RAB3GAP1: variants seen among roughly 807,000 people sequenced by gnomAD.
The protein encoded by RAB3GAP1 is RAB3 GTPase activating protein catalytic subunit 1.
In RAB3GAP1, 86 loss-of-function variants were observed where a neutral mutation model predicts 130.7. The ratio of observed to expected loss-of-function variants is 0.66; its 90% CI spans 0.55 to 0.79. RAB3GAP1 has a LOEUF of 0.79. Among genes scored for constraint, RAB3GAP1 ranks in the 30% least tolerant of loss-of-function variants. The pLI is 0.00. For synonymous variants in RAB3GAP1, 367 were observed against 401.7 expected (o/e 0.91, Z 1.03); for missense variants, 1,029 against 1,169.4 (o/e 0.88, Z 1.75).
chr2:135,059,531 A>G (rs1167553219), intron 3 of RAB3GAP1, among the ~76,000 whole-genome samples: 1 of 152,170 alleles, frequency 6.6e-6, no homozygotes. Flanking sequence ...TATATGATAG[A>G]TGTACATATT....
At chr2:135,117,489 T>TCTTCTTCTTCTG (rs1558784174) in intron 7 of RAB3GAP1, among the ~76,000 whole-genome samples, 1 of 123,344 alleles carries the variant, frequency 8.1e-6, no homozygotes, top group African/African-American at 3.2e-5. Flanking sequence ...TTCTGCTTCT[T>TCTTCTTCTTCTG]CTTCTGCTTC....
At chr2:135,107,898 C>T (rs1196042653) in intron 5 of RAB3GAP1, among the ~76,000 whole-genome samples, 2 of 144,466 alleles carry the variant, frequency 1.4e-5, no homozygotes, top group African/African-American at 5.3e-5. Flanking sequence ...TCACTTGAAC[C>T]TGGGAGATGG....
rs150792577 is a variant in RAB3GAP1, at chr2:135,132,465, A to G, written c.1237-430A>G. ...CTTGAATATCATCTCTTAGTAGTCT[A>G]TATATGAAAGCCTGTGGATGATGTA... On this transcript the variant is annotated intron_variant, in intron 13 of 23. Transcript: ENST00000264158. Among the ~76,000 whole-genome samples the G allele has an allele frequency of 6.6e-3, 1,001 of 152,288 alleles. 4 individuals are homozygous for G. The highest frequency in any genetic ancestry group is 0.023 in the South Asian group (110 of 4,826).
rs375847117 is a variant in RAB3GAP1 at position 135,168,625 on chromosome 2, C to T, written c.2790C>T (p.Asp930=). The change falls in exon 24 of 24, where the codon GAC becomes GAT. Residue 930 remains aspartate (D), a synonymous_variant. Coordinates refer to ENST00000264158, the MANE Select transcript of RAB3GAP1 (RefSeq NM_012233.3). Reference sequence around the variant, plus strand: ...AAAGAAGGCAGAACTCCGTGTCAGACTTCCCACCCCCTGCTGGCCGGGAAT... The same window carrying T: ...AAAGAAGGCAGAACTCCGTGTCAGATTTCCCACCCCCTGCTGGCCGGGAAT... The part of the protein sequence containing the change: ...PEERRQNSVS[D]FPPPAGREFI... 2.0e-5 allele frequency: 33 copies of T among 1,614,088 alleles called. No individual in the cohort carries two copies. The Middle Eastern group carries it at 4.9e-4, about 24-fold the overall frequency.
intron 8 of RAB3GAP1, among the ~76,000 whole-genome samples, chr2:135,122,379 TC>T (rs60036465): frequency 0.15 from 22,730 of 152,116 alleles, 3,186 homozygotes; most frequent in African/African-American, 0.37. Context: ...TCCTTTTTTT[TC>T]CTTCCAAGGC....
intron 2 of RAB3GAP1, among the ~76,000 whole-genome samples, chr2:135,053,666 G>C (rs570648403): frequency 1.3e-5 from 2 of 152,280 alleles, no homozygotes; most frequent in African/African-American, 4.8e-5. Flanking sequence ...GTGTCAGTAA[G>C]ACATAACCAC....
rs1691691764 is a variant in RAB3GAP1, at chr2:135,136,878, A to T, written c.1923+946A>T. The T allele has an allele frequency of 1.0e-5, 3 of 296,626 alleles. No homozygotes were observed. In the Admixed American group the frequency reaches 1.3e-4, roughly 13 times the overall value. 18.4% of individuals were successfully genotyped at this position (296,626 alleles called of 1,614,324 possible). A position where few individuals can be genotyped will look rare whatever the true frequency, so the allele number is the denominator to read the frequency against. On this transcript the variant is annotated intron_variant, in intron 17 of 23. Transcript: ENST00000264158. ...GGTGGGAGTATTGCTTGAAGCCAGGAGTTCAAGACCAGCCTGTATAAGAAA... is the reference window on the plus strand; with the variant it reads ...GGTGGGAGTATTGCTTGAAGCCAGGTGTTCAAGACCAGCCTGTATAAGAAA...
At position 135,117,567 on chromosome 2, in the gene RAB3GAP1, T is replaced by G. The variant is rs1281281318; in HGVS notation, c.648+2186T>G. ...TGCTTCTTCTTCTTCTGCTTCTTCTTCTGCTTCTTCTTCTGCTTCTTCTTC... is the reference window on the plus strand; with the variant it reads ...TGCTTCTTCTTCTTCTGCTTCTTCTGCTGCTTCTTCTTCTGCTTCTTCTTC... On this transcript the variant is annotated intron_variant, in intron 7 of 23. Transcript: ENST00000264158. Among the ~76,000 whole-genome samples the G allele has an allele frequency of 2.2e-3, 299 of 138,162 alleles. 3 individuals are homozygous for G. The highest frequency in any genetic ancestry group is 8.1e-3 in the African/African-American group (265 of 32,700). The allele number at this position is 138,162 out of a possible 152,430, so 90.6% of individuals were successfully genotyped here.
At chr2:135,124,280 A>T (rs767950768) in intron 9 of RAB3GAP1, 34 bp downstream of exon 9, 19 of 1,568,028 alleles carry the variant, frequency 1.2e-5, no homozygotes, top group Non-Finnish European at 1.6e-5. Flanking sequence ...GAATTGTGGG[A>T]ATATTTTACT....
Position 135,065,890 on chromosome 2 carries a change from C to A in RAB3GAP1, c.150+7804C>A, listed in dbSNP as rs571313389. Among the ~76,000 whole-genome samples the A allele has an allele frequency of 2.0e-5, 3 of 151,708 alleles. No individual in the cohort carries two copies. In the South Asian group the frequency reaches 6.2e-4, roughly 32 times the overall value. On this transcript the variant is annotated intron_variant, in intron 3 of 23. Coordinates refer to ENST00000264158, the MANE Select transcript of RAB3GAP1 (RefSeq NM_012233.3). Reference sequence around the variant, plus strand: ...GGTTCGAGTGATTCTCCTGCCTCAGCCTCCTCAGTAGCTGGGACTACAGGT... The same window carrying A: ...GGTTCGAGTGATTCTCCTGCCTCAGACTCCTCAGTAGCTGGGACTACAGGT...
chr2:135,052,608 C>T (rs1688911940), intron 2 of RAB3GAP1, 123 bp downstream of exon 2: 2 of 1,134,682 alleles, frequency 1.8e-6, no homozygotes, highest in Non-Finnish European at 2.6e-6. Flanking sequence ...CCGTGGGTCC[C>T]GGGTCTCCTC....
intron 5 of RAB3GAP1, among the ~76,000 whole-genome samples, chr2:135,110,440 A>C (rs1427066340): frequency 6.6e-6 from 1 of 152,188 alleles, no homozygotes; most frequent in African/African-American, 2.4e-5. Flanking sequence ...TGGCAAGGTA[A>C]ATCTTTAAAG....
At chr2:135,165,844 C>G (rs1166411367) in intron 23 of RAB3GAP1, among the ~76,000 whole-genome samples, 1 of 152,074 alleles carries the variant, frequency 6.6e-6, no homozygotes, top group Admixed American at 6.5e-5. Context: ...TATGAATGTT[C>G]CTCATATTGC....
chr2:135,076,547 A>G (rs1396714311), intron 3 of RAB3GAP1, among the ~76,000 whole-genome samples: 1 of 152,124 alleles, frequency 6.6e-6, no homozygotes, highest in African/African-American at 2.4e-5. Context: ...TGGATTGCAC[A>G]AGGGCTTTTA....
chr2:135,163,555 T>A (rs1366484073), intron 22 of RAB3GAP1, among the ~76,000 whole-genome samples: 3 of 152,232 alleles, frequency 2.0e-5, no homozygotes, highest in Non-Finnish European at 4.4e-5. Flanking sequence ...CCTATGTGCC[T>A]TGCGATTATG....
At chr2:135,080,116 CAAAAAA>C (rs764426198) in intron 3 of RAB3GAP1, among the ~76,000 whole-genome samples, 1 of 73,300 alleles carries the variant, frequency 1.4e-5, no homozygotes. Flanking sequence ...GACTCCGTCT[CAAAAAA>C]AAAAAAAAAA....
chr2:135,060,090 A>G (rs1402172645), intron 3 of RAB3GAP1, among the ~76,000 whole-genome samples: 2 of 152,194 alleles, frequency 1.3e-5, no homozygotes, highest in African/African-American at 4.8e-5. Flanking sequence ...ACAGAATAGT[A>G]TAATGAACTC....
intron 5 of RAB3GAP1, among the ~76,000 whole-genome samples, chr2:135,112,826 TCTCTCTCTCACACACACACACA>T (rs1553444549): frequency 1.9e-3 from 242 of 130,018 alleles, no homozygotes; most frequent in African/African-American, 8.2e-3. Context: ...TCTCTCTCTC[TCTCTCTCTCACACACACACACA>T]CACACACACA....
intron 3 of RAB3GAP1, among the ~76,000 whole-genome samples, chr2:135,074,682 G>A (rs997913776): frequency 6.6e-6 from 1 of 152,178 alleles, no homozygotes; most frequent in African/African-American, 2.4e-5. Flanking sequence ...TGTTGCAGGT[G>A]CCACTGGTTG....
Sources: allele counts gnomAD v4.1 joint callset (sites outside exome capture counted in the v4.1 genomes callset), GRCh38; gene constraint gnomAD v4.1.1; transcripts MANE v1.5; gene names NCBI Gene and HGNC (gene_info 2026-07-23, HGNC 2026-07-21).